Variants in MAGI1 observed in about 807,000 individuals in gnomAD.
MAGI1 encodes membrane associated guanylate kinase, WW and PDZ domain containing 1.
In MAGI1, 58 loss-of-function variants were observed where a neutral mutation model predicts 139.9. That is an observed-to-expected ratio of 0.41 (90% CI 0.34 to 0.52). The LOEUF (loss-of-function observed/expected upper bound fraction) is 0.52, where lower values mean the gene tolerates loss of function less well. MAGI1 is among the 20% of genes least tolerant of loss of function. The probability of loss-of-function intolerance (pLI) is 0.12; values close to 1 mark genes in which losing one functional copy is unlikely to be tolerated. For missense variants in MAGI1, 1,874 were observed against 1,901.6 expected (o/e 0.99, Z 0.27); for synonymous variants, 812 against 737.9 (o/e 1.10, Z -1.63).
chr3:65,688,990 T>C (rs2088320021), intron 1 of MAGI1, among the ~76,000 whole-genome samples: 3 of 152,120 alleles, frequency 2.0e-5, no homozygotes, highest in Admixed American at 2.0e-4. Context: ...GAGAAGCAAA[T>C]GTAAATTTTC....
chr3:65,487,477 G>A (rs1951702953), intron 3 of MAGI1, among the ~76,000 whole-genome samples: 1 of 152,100 alleles, frequency 6.6e-6, no homozygotes, highest in African/African-American at 2.4e-5. Flanking sequence ...GCAACATTTG[G>A]CCAGGCTATG....
intron 18 of MAGI1, among the ~76,000 whole-genome samples, chr3:65,374,934 G>A (rs1343951080): frequency 6.6e-6 from 1 of 152,096 alleles, no homozygotes; most frequent in African/African-American, 2.4e-5. Flanking sequence ...AAAAATTAGG[G>A]AAAATCCAGT....
At chr3:65,731,613 C>G (rs1464017798) in intron 1 of MAGI1, among the ~76,000 whole-genome samples, 6 of 149,722 alleles carry the variant, frequency 4.0e-5, no homozygotes, top group Admixed American at 2.7e-4. Flanking sequence ...TGTGATTGTA[C>G]CACTGCACTC....
In MAGI1 at chr3:65,356,733, T is replaced by C. The variant is rs1246853964; in HGVS notation, c.4034A>G (p.Lys1345Arg). Residue 1345 changes from lysine (K) to arginine (R), a missense_variant, in exon 23 of 23, where the codon AAG (lysine) becomes AGG (arginine). By Grantham distance (26) the Lys-to-Arg change is conservative. This residue lies in a region of MAGI1 where 653 missense variants were observed against 644.5 expected (regional missense o/e 1.01). Coordinates refer to ENST00000402939, the MANE Select transcript of MAGI1 (RefSeq NM_001033057.2). The part of the protein sequence containing the change: ...NTLERREKHE[K>R]RRDVSPERRR... ...CCGCTCCGGAGAGACGTCTCGTCTC[T>C]TCTCGTGCTTCTCCCTCCTCTCCAA... 6.3e-7 allele frequency: 1 copy of C among 1,595,258 alleles called. No homozygotes were observed.
At chr3:65,627,293 T>C (rs901683939) in intron 1 of MAGI1, among the ~76,000 whole-genome samples, 6 of 152,102 alleles carry the variant, frequency 3.9e-5, no homozygotes, top group Admixed American at 3.9e-4. Context: ...CTCTATGATG[T>C]GTGCATGACT....
chr3:65,653,513 C>T (rs913053984), intron 1 of MAGI1, among the ~76,000 whole-genome samples: 1 of 152,146 alleles, frequency 6.6e-6, no homozygotes, highest in African/African-American at 2.4e-5. Context: ...GGGCACAGAA[C>T]ACAATGTCAT....
chr3:65,398,685 T>C (rs1015712964), intron 13 of MAGI1, among the ~76,000 whole-genome samples: 1 of 152,180 alleles, frequency 6.6e-6, no homozygotes, highest in Non-Finnish European at 1.5e-5. Context: ...GATGATTAAG[T>C]TGGGCCACAG....
At chr3:65,644,671 T>C (rs568017474) in intron 1 of MAGI1, among the ~76,000 whole-genome samples, 51 of 151,926 alleles carry the variant, frequency 3.4e-4, no homozygotes, top group African/African-American at 1.2e-3. Context: ...GAGGAGACAG[T>C]AGAAAAACAT....
intron 2 of MAGI1, among the ~76,000 whole-genome samples, chr3:65,530,874 G>A (rs1262114188): frequency 6.9e-6 from 1 of 145,436 alleles, no homozygotes; most frequent in East Asian, 2.0e-4. Flanking sequence ...TATATGGAGA[G>A]AGAGAAAGAG....
At chr3:65,565,162 C>G (rs1559675769) in intron 2 of MAGI1, among the ~76,000 whole-genome samples, 1 of 152,176 alleles carries the variant, frequency 6.6e-6, no homozygotes, top group Admixed American at 6.5e-5. Context: ...TCTCTAGTGA[C>G]AGCTGAGCAA....
At chr3:65,784,175 C>A (rs1283959560) in intron 1 of MAGI1, among the ~76,000 whole-genome samples, 1 of 151,742 alleles carries the variant, frequency 6.6e-6, no homozygotes. Flanking sequence ...GAAATTGGAA[C>A]CCTCATCATT....
chr3:66,001,993 C>T (rs2066765060), intron 1 of MAGI1, among the ~76,000 whole-genome samples: 1 of 152,150 alleles, frequency 6.6e-6, no homozygotes, highest in African/African-American at 2.4e-5. Flanking sequence ...CACTTCCCGC[C>T]TCAAGTCTTA....
chr3:65,486,595 T>C (rs1674951954), intron 3 of MAGI1, among the ~76,000 whole-genome samples: 1 of 152,240 alleles, frequency 6.6e-6, no homozygotes, highest in Non-Finnish European at 1.5e-5. Context: ...GTTGGAAAGA[T>C]GTGCTTATTC....
chr3:65,893,333 C>T (rs1407193769), intron 1 of MAGI1, among the ~76,000 whole-genome samples: 1 of 145,458 alleles, frequency 6.9e-6, no homozygotes, highest in Non-Finnish European at 1.5e-5. Context: ...ATTCATTTTT[C>T]TTTTTTTTTT....
intron 12 of MAGI1, among the ~76,000 whole-genome samples, chr3:65,428,599 A>G (rs576371835): frequency 1.2e-4 from 19 of 152,286 alleles, no homozygotes; most frequent in African/African-American, 4.3e-4. Flanking sequence ...CTTAATACCT[A>G]TTCATTCATA....
intron 1 of MAGI1, among the ~76,000 whole-genome samples, chr3:65,908,975 A>T (rs966045015): frequency 6.6e-6 from 1 of 152,228 alleles, no homozygotes; most frequent in African/African-American, 2.4e-5. Flanking sequence ...TAAAATATAG[A>T]GAATGACTTC....
At chr3:66,037,222 A>T (rs2068974442) in intron 1 of MAGI1, among the ~76,000 whole-genome samples, 1 of 152,140 alleles carries the variant, frequency 6.6e-6, no homozygotes, top group African/African-American at 2.4e-5. Flanking sequence ...TGTGAATCGG[A>T]GTGAGATAGT....
intron 1 of MAGI1, among the ~76,000 whole-genome samples, chr3:65,891,329 T>C (rs927813534): frequency 2.0e-5 from 3 of 151,922 alleles, no homozygotes; most frequent in African/African-American, 7.3e-5. Flanking sequence ...ATAACTGTAA[T>C]GGTAAGAAGT....
intron 2 of MAGI1, among the ~76,000 whole-genome samples, chr3:65,550,946 G>C (rs1043879481): frequency 6.6e-6 from 1 of 152,214 alleles, no homozygotes; most frequent in East Asian, 1.9e-4. Context: ...CTCCAGCCTG[G>C]GCAACAGAGA....
Sources: allele counts gnomAD v4.1 joint callset (sites outside exome capture counted in the v4.1 genomes callset), GRCh38; gene constraint gnomAD v4.1.1; regional missense constraint gnomAD v4.1.1; transcripts MANE v1.5; gene names NCBI Gene and HGNC (gene_info 2026-07-23, HGNC 2026-07-21).